Variants in PRKN observed in about 807,000 individuals in gnomAD.
PRKN encodes the protein parkin RBR E3 ubiquitin protein ligase.
PRKN carries 56 observed loss-of-function variants against 59.5 expected under a neutral mutation model. The ratio of observed to expected loss-of-function variants is 0.94; its 90% CI spans 0.76 to 1.18. PRKN has a LOEUF of 1.18. PRKN is among the 50% of genes most tolerant of loss of function. The probability of loss-of-function intolerance (pLI) is 0.00; values close to 1 mark genes in which losing one functional copy is unlikely to be tolerated. For missense variants in PRKN, 657 were observed against 596.4 expected (o/e 1.10, Z -1.06); for synonymous variants, 250 against 222.1 (o/e 1.13, Z -1.12).
chr6:162,556,342 G>GGGGTGTGTGTGTGTGTGTGT lies in PRKN; in HGVS notation c.8-112870_8-112869insACACACACACACACACACCC, dbSNP rs1175202893. Among the ~76,000 whole-genome samples the GGGGTGTGTGTGTGTGTGTGT allele has an allele frequency of 3.9e-3, 226 of 57,290 alleles. 19 individuals are homozygous for GGGGTGTGTGTGTGTGTGTGT. Among genetic ancestry groups the GGGGTGTGTGTGTGTGTGTGT allele is most frequent in the Non-Finnish European group, 4.5e-3 (136 of 30,180 alleles). The allele number at this position is 57,290 out of a possible 152,430, so 37.6% of individuals were successfully genotyped here. ...GAAACCAAGCAGTAACTACTCAGCT[G>GGGGTGTGTGTGTGTGTGTGT]GTGTGTGTGTGTGTGTGTGTGTGTG... is the stretch of plus-strand genomic sequence containing the variant. On this transcript the variant is annotated intron_variant, in intron 1 of 11. Coordinates refer to ENST00000366898, the MANE Select transcript of PRKN (RefSeq NM_004562.3).
intron 2 of PRKN, among the ~76,000 whole-genome samples, chr6:162,320,384 ACC>A (rs1562667762): frequency 4.7e-4 from 51 of 108,746 alleles, no homozygotes; most frequent in East Asian, 9.6e-4. Flanking sequence ...AAAAAAAAAA[ACC>A]AAGCATTTTA....
At chr6:161,678,491 T>C (rs1387415827) in intron 7 of PRKN, among the ~76,000 whole-genome samples, 2 of 151,702 alleles carry the variant, frequency 1.3e-5, no homozygotes, top group African/African-American at 2.4e-5. Context: ...TCCTTGGTTA[T>C]AAATACAGGT....
chr6:162,575,276 T>C (rs1449850098), intron 1 of PRKN, among the ~76,000 whole-genome samples: 1 of 152,166 alleles, frequency 6.6e-6, no homozygotes, highest in Admixed American at 6.5e-5. Context: ...CACCTCTTCA[T>C]TGCTTCAGAC....
At chr6:161,727,237 G>C (rs1787478730) in intron 7 of PRKN, among the ~76,000 whole-genome samples, 1 of 152,112 alleles carries the variant, frequency 6.6e-6, no homozygotes. Context: ...ACACCTCTCA[G>C]CCGTCCAACC....
chr6:162,287,168 C>T, intron 2 of PRKN, among the ~76,000 whole-genome samples: 1 of 152,096 alleles, frequency 6.6e-6, no homozygotes, highest in South Asian at 2.1e-4. Context: ...AGCTTCCAGC[C>T]AGGAAGGTGA....
At chr6:162,467,556 A>G (rs1233178964) in intron 1 of PRKN, among the ~76,000 whole-genome samples, 1 of 152,116 alleles carries the variant, frequency 6.6e-6, no homozygotes, top group Non-Finnish European at 1.5e-5. Flanking sequence ...AATATTTATT[A>G]GATTTCTCTA....
intron 2 of PRKN, among the ~76,000 whole-genome samples, chr6:162,404,923 C>G (rs929129559): frequency 6.6e-6 from 1 of 152,150 alleles, no homozygotes; most frequent in African/African-American, 2.4e-5. Flanking sequence ...AGCATAGAAT[C>G]CAACGCTTGC....
intron 3 of PRKN, among the ~76,000 whole-genome samples, chr6:162,235,902 AAAGG>A (rs777894905): frequency 0.079 from 5,763 of 72,828 alleles, 410 homozygotes; most frequent in Non-Finnish European, 0.093. Context: ...AGAAAGAAGG[AAAGG>A]AAGGAAGGAA....
At chr6:161,753,343 G>A (rs1361655256) in intron 7 of PRKN, among the ~76,000 whole-genome samples, 4 of 152,070 alleles carry the variant, frequency 2.6e-5, no homozygotes, top group East Asian at 1.9e-4. Flanking sequence ...CACGCAGTGA[G>A]GATTAGTGTT....
At chr6:162,180,334 G>T (rs544197133) in intron 4 of PRKN, among the ~76,000 whole-genome samples, 1 of 152,104 alleles carries the variant, frequency 6.6e-6, no homozygotes, top group African/African-American at 2.4e-5. Flanking sequence ...TGCTTGAGGG[G>T]ATGGATACCT....
intron 6 of PRKN, among the ~76,000 whole-genome samples, chr6:161,876,076 T>C (rs1237530423): frequency 6.6e-6 from 1 of 152,108 alleles, no homozygotes; most frequent in Non-Finnish European, 1.5e-5. Context: ...ATATAAATGG[T>C]TTAATATTTT....
At position 162,107,634 on chromosome 6, in the gene PRKN, C is replaced by A. The variant is rs923805875; in HGVS notation, c.535-53460G>T. 9.2e-5 allele frequency among the ~76,000 whole-genome samples: 14 copies of A among 152,176 alleles called. 1 individual carries two copies. The highest frequency in any genetic ancestry group is 1.5e-5 in the Non-Finnish European group (1 of 68,030). ...CAGGAGAGGTACATGCCTTTGTTAA[C>A]CCTGGCTGTTGTTACTGTTATATCA... On this transcript the variant is annotated intron_variant, in intron 4 of 11. Transcript: ENST00000366898.
intron 6 of PRKN, among the ~76,000 whole-genome samples, chr6:161,786,476 T>C (rs1259268322): frequency 6.6e-6 from 1 of 152,184 alleles, no homozygotes; most frequent in Non-Finnish European, 1.5e-5. Flanking sequence ...AGGACTTGTA[T>C]ATAGTGATTT....
intron 6 of PRKN, among the ~76,000 whole-genome samples, chr6:161,810,464 T>C (rs1047142971): frequency 2.0e-5 from 3 of 152,232 alleles, no homozygotes; most frequent in Non-Finnish European, 4.4e-5. Flanking sequence ...AATAAATTAC[T>C]GTGTGACCTC....
At chr6:161,612,291 T>C (rs1782515704) in intron 7 of PRKN, among the ~76,000 whole-genome samples, 1 of 152,354 alleles carries the variant, frequency 6.6e-6, no homozygotes, top group Non-Finnish European at 1.5e-5. Flanking sequence ...TGGAAGAAGA[T>C]GTCATGGAGA....
chr6:161,383,976 G>A (rs1355750269), intron 10 of PRKN, among the ~76,000 whole-genome samples: 1 of 152,216 alleles, frequency 6.6e-6, no homozygotes, highest in African/African-American at 2.4e-5. Context: ...GGAATTGGAG[G>A]CTGGCCCTGT....
At position 162,088,105 on chromosome 6, in the gene PRKN, G is replaced by A. The variant is rs1779330689; in HGVS notation, c.535-33931C>T. ...TCCCACATCAATGAGGACCTTTAGA[G>A]AGGGCACAATATTATCCACAGTCTC... On this transcript the variant is annotated intron_variant, in intron 4 of 11. Coordinates refer to ENST00000366898, the MANE Select transcript of PRKN (RefSeq NM_004562.3). 2.6e-5 allele frequency among the ~76,000 whole-genome samples: 4 copies of A among 152,172 alleles called. No homozygotes were observed. The South Asian group carries it at 8.3e-4, about 31-fold the overall frequency.
chr6:161,355,657 C>T lies in PRKN; in HGVS notation c.1285+4431G>A, dbSNP rs748916611. Among the ~76,000 whole-genome samples the T allele has an allele frequency of 6.6e-6, 1 of 152,136 alleles. No homozygotes were observed. Among genetic ancestry groups the T allele is most frequent in the Admixed American group, 6.5e-5 (1 of 15,278 alleles). ...TTGAACTCAAGCGATCTGCCAGCCT[C>T]GGCCTCCCAAAGTGCTGGGATTACA... On this transcript the variant is annotated intron_variant, in intron 11 of 11. Transcript: ENST00000366898. The surrounding 1 kb of genome is among the most constrained non-coding windows in gnomAD (Gnocchi z 6.8).
chr6:161,641,797 C>T (rs796181679), intron 7 of PRKN, among the ~76,000 whole-genome samples: 75 of 152,340 alleles, frequency 4.9e-4, no homozygotes, highest in African/African-American at 1.8e-3. Context: ...TGCCCTGTGG[C>T]GCTTAAAGCT....
Sources: gnomAD v4.1 joint callset for allele counts (sites outside exome capture counted in the v4.1 genomes callset) on GRCh38, gnomAD v4.1.1 for gene constraint, Gnocchi (gnomAD v3.1) non-coding constraint, MANE v1.5 for transcripts, NCBI Gene and HGNC (gene_info 2026-07-23, HGNC 2026-07-21) for gene names.